Variants in TACC2 observed in about 807,000 individuals in gnomAD.
TACC2 encodes transforming acidic coiled-coil-containing protein 2.
A neutral mutation model predicts 227.3 loss-of-function variants in TACC2; 137 were observed. That is an observed-to-expected ratio of 0.60 (90% CI 0.52 to 0.69). The LOEUF (loss-of-function observed/expected upper bound fraction) is 0.69, where lower values mean the gene tolerates loss of function less well. Among genes scored for constraint, TACC2 ranks in the 30% least tolerant of loss-of-function variants. TACC2 has a pLI of 0.00. For missense variants in TACC2, 3,470 were observed against 3,694.4 expected, an observed-to-expected ratio of 0.94 and a Z score of 1.57; for synonymous variants, 1,523 against 1,487.5, an observed-to-expected ratio of 1.02 and a Z score of -0.55.
intron 7 of TACC2, among the ~76,000 whole-genome samples, chr10:122,192,242 C>A (rs138131612): frequency 6.6e-6 from 1 of 152,268 alleles, no homozygotes; most frequent in East Asian, 1.9e-4. Context: ...CTTGGTGTGC[C>A]CTGGCCCACC....
intron 1 of TACC2, among the ~76,000 whole-genome samples, chr10:122,014,376 A>AT (rs950156474): frequency 1.8e-4 from 28 of 152,096 alleles, no homozygotes; most frequent in African/African-American, 6.7e-4. Flanking sequence ...TGCCCAGCTA[A>AT]TTTTTTGTAT....
At chr10:122,092,638 A>G (rs2080946320) in intron 5 of TACC2, among the ~76,000 whole-genome samples, 1 of 152,194 alleles carries the variant, frequency 6.6e-6, no homozygotes, top group African/African-American at 2.4e-5. Context: ...TATGAAGTCA[A>G]ATTGGCATTG....
chr10:122,143,006 C>G (rs1257456549), intron 6 of TACC2, among the ~76,000 whole-genome samples: 1 of 152,200 alleles, frequency 6.6e-6, no homozygotes, highest in Non-Finnish European at 1.5e-5. Context: ...GCAGGGGGCA[C>G]TCGTTCCCTA....
chr10:122,216,380 ATTT>A (rs60334067), intron 10 of TACC2, among the ~76,000 whole-genome samples: 2 of 148,588 alleles, frequency 1.3e-5, no homozygotes, highest in African/African-American at 5.0e-5. Context: ...CAAAATCCTG[ATTT>A]TTTTTTTTTT....
At chr10:122,154,320 C>T (rs1241586596) in intron 7 of TACC2, among the ~76,000 whole-genome samples, 5 of 152,220 alleles carry the variant, frequency 3.3e-5, no homozygotes, top group East Asian at 1.9e-4. Flanking sequence ...GTCTTAAGAT[C>T]GTAGGCACAG....
Position 122,087,245 on chromosome 10 carries a change from A to G in TACC2, c.4745A>G (p.His1582Arg), listed in dbSNP as rs1269200737. The change falls in exon 4 of 23, where the codon CAT (histidine) becomes CGT (arginine). Residue 1582 changes from histidine to arginine, a missense_variant. This residue lies in a region of TACC2 where 1,924 missense variants were observed against 1,978.3 expected (regional missense o/e 0.97). Coordinates refer to ENST00000369005, the MANE Select transcript of TACC2 (RefSeq NM_206862.4). ...ERAAAFQVAP[H>R]SHGEEAVAQD... is the part of the protein sequence containing the mutation. ...GCTGCTGCCTTCCAGGTGGCTCCCC[A>G]TAGCCATGGAGAAGAGGCCGTGGCC... 6.2e-7 allele frequency: 1 copy of G among 1,613,692 alleles called. No homozygotes were observed. Among genetic ancestry groups the G allele is most frequent in the Admixed American group, 1.7e-5 (1 of 60,030 alleles).
chr10:122,168,924 C>G (rs2093334779), intron 7 of TACC2, among the ~76,000 whole-genome samples: 1 of 152,192 alleles, frequency 6.6e-6, no homozygotes, highest in Non-Finnish European at 1.5e-5. Flanking sequence ...CTGAACAATT[C>G]TGTTTCTTCC....
At chr10:122,121,457 G>A (rs1007184609) in intron 5 of TACC2, among the ~76,000 whole-genome samples, 2 of 152,130 alleles carry the variant, frequency 1.3e-5, no homozygotes, top group Non-Finnish European at 2.9e-5. Flanking sequence ...GTCAGGCTTG[G>A]GCAGTCTGGC....
At position 122,201,560 on chromosome 10, in the gene TACC2, C is replaced by G. The variant is rs559895160; in HGVS notation, c.5971+6384C>G. On this transcript the variant is annotated intron_variant, in intron 8 of 22. Transcript: ENST00000369005. ...GTGTCCTGTGCACCTTGGATGGAGA[C>G]ACCACCAACCTGGCAGGGCCCCAAC... is the stretch of plus-strand genomic sequence containing the variant. Among the ~76,000 whole-genome samples the G allele has an allele frequency of 6.6e-5, 10 of 152,362 alleles. No individual in the cohort carries two copies. The South Asian group carries it at 1.9e-3, about 28-fold the overall frequency.
chr10:122,250,669 G>A (rs2096236638), intron 22 of TACC2, among the ~76,000 whole-genome samples: 1 of 152,148 alleles, frequency 6.6e-6, no homozygotes, highest in Admixed American at 6.5e-5. Flanking sequence ...GGAGCCCTGG[G>A]GAGCAAGAAA....
intron 7 of TACC2, among the ~76,000 whole-genome samples, chr10:122,163,217 C>T (rs1372914174): frequency 6.6e-6 from 1 of 151,936 alleles, no homozygotes; most frequent in Non-Finnish European, 1.5e-5. Flanking sequence ...TCCCGCTGCC[C>T]GCTGCCCACT....
chr10:122,032,290 A>G (rs1265718209), intron 2 of TACC2, among the ~76,000 whole-genome samples: 1 of 151,834 alleles, frequency 6.6e-6, no homozygotes, highest in Non-Finnish European at 1.5e-5. Context: ...CTACCCTCTC[A>G]CACCTGGATC....
In TACC2 at chr10:122,194,405, G is replaced by A. The variant is rs896586394; in HGVS notation, c.5835-635G>A. 6.6e-6 allele frequency among the ~76,000 whole-genome samples: 1 copy of A among 152,202 alleles called. No individual in the cohort carries two copies. The highest frequency in any genetic ancestry group is 2.4e-5 in the African/African-American group (1 of 41,448). ...GTGTCGGGGTTGGTGGCCGTGCTTT[G>A]TGTCTTGGTCTGATGCACCCTCTGC... On this transcript the variant is annotated intron_variant, in intron 7 of 22. Transcript: ENST00000369005. The surrounding 1 kb of genome is among the most constrained non-coding windows in gnomAD (Gnocchi z 4.4).
chr10:122,095,601 C>T (rs2081290950), intron 5 of TACC2, among the ~76,000 whole-genome samples: 1 of 152,174 alleles, frequency 6.6e-6, no homozygotes, highest in African/African-American at 2.4e-5. Flanking sequence ...ATGGCTTGGT[C>T]AAGGTCAAAA....
chr10:122,095,071 G>A (rs1399618694), intron 5 of TACC2, among the ~76,000 whole-genome samples: 1 of 152,202 alleles, frequency 6.6e-6, no homozygotes, highest in East Asian at 1.9e-4. Flanking sequence ...TCAGAATGGG[G>A]ACAGGACTAG....
intron 6 of TACC2, among the ~76,000 whole-genome samples, chr10:122,143,083 C>T (rs756181675): frequency 3.9e-5 from 6 of 152,196 alleles, no homozygotes; most frequent in East Asian, 3.8e-4. Flanking sequence ...CAACTGGTCC[C>T]GGGGCAGGTT....
At chr10:122,082,015 T>C (rs2079568611) in intron 3 of TACC2, among the ~76,000 whole-genome samples, 1 of 152,230 alleles carries the variant, frequency 6.6e-6, no homozygotes, top group Non-Finnish European at 1.5e-5. Context: ...TGATTTACTC[T>C]TATTAACAAC....
intron 5 of TACC2, among the ~76,000 whole-genome samples, chr10:122,127,294 G>A (rs911892542): frequency 3.3e-5 from 5 of 152,212 alleles, no homozygotes; most frequent in African/African-American, 1.2e-4. Context: ...CCTGGAGTGT[G>A]TGATCCCCAT....
intron 5 of TACC2, among the ~76,000 whole-genome samples, chr10:122,123,461 G>A (rs1592276123): frequency 6.6e-6 from 1 of 152,116 alleles, no homozygotes; most frequent in African/African-American, 2.4e-5. Flanking sequence ...CGAGGGACCT[G>A]GGGAACCCAC....
Sources: gnomAD v4.1 joint callset for allele counts (sites outside exome capture counted in the v4.1 genomes callset) on GRCh38, gnomAD v4.1.1 for gene constraint, gnomAD v4.1.1 regional missense constraint, Gnocchi (gnomAD v3.1) non-coding constraint, MANE v1.5 for transcripts, NCBI Gene and HGNC (gene_info 2026-07-23, HGNC 2026-07-21) for gene names.